MTMR1: variants seen among roughly 807,000 people sequenced by gnomAD.
MTMR1 encodes the protein phosphatidylinositol-3-phosphate phosphatase MTMR1.
In MTMR1, 17 loss-of-function variants were observed where a neutral mutation model predicts 51.6. That is an observed-to-expected ratio of 0.33 (90% CI 0.23 to 0.49). The LOEUF (loss-of-function observed/expected upper bound fraction) is 0.49, where lower values mean the gene tolerates loss of function less well. Among genes scored for constraint, MTMR1 ranks in the 20% least tolerant of loss-of-function variants. The probability of loss-of-function intolerance (pLI) is 0.99; values close to 1 mark genes in which losing one functional copy is unlikely to be tolerated. For missense variants in MTMR1, 386 were observed against 526.9 expected, an observed-to-expected ratio of 0.73 and a Z score of 2.62; for synonymous variants, 201 against 205.6, an observed-to-expected ratio of 0.98 and a Z score of 0.19.
intron 12 of MTMR1, among the ~76,000 whole-genome samples, chrX:150,742,709 C>T (rs1557417347): frequency 9.6e-6 from 1 of 104,647 alleles, no homozygotes; most frequent in Non-Finnish European, 1.9e-5. Context: ...CCCAGCTACT[C>T]GGGAGGCTGA....
intron 15 of MTMR1, among the ~76,000 whole-genome samples, chrX:150,758,510 C>G (rs2042972675): frequency 8.9e-6 from 1 of 112,176 alleles, no homozygotes; most frequent in Non-Finnish European, 1.9e-5. Flanking sequence ...ATTTACATTT[C>G]TGGCCGGGCA....
intron 12 of MTMR1, among the ~76,000 whole-genome samples, chrX:150,738,048 C>T (rs1490503924): frequency 1.8e-5 from 2 of 111,864 alleles, no homozygotes; most frequent in African/African-American, 3.3e-5. Context: ...GCCTGGGCAA[C>T]AGAGCAAAAC....
intron 4 of MTMR1, among the ~76,000 whole-genome samples, chrX:150,723,010 A>T (rs1416418102): frequency 2.4e-5 from 1 of 42,020 alleles, no homozygotes; most frequent in African/African-American, 9.0e-5. Flanking sequence ...CCTTCCCCCC[A>T]CCCCACAACA....
intron 1 of MTMR1, among the ~76,000 whole-genome samples, chrX:150,695,114 C>T (rs1557415698): frequency 8.9e-6 from 1 of 112,076 alleles, no homozygotes; most frequent in Admixed American, 9.4e-5. Flanking sequence ...GTATTCTAGT[C>T]AGAGGCCTGT....
intron 4 of MTMR1, among the ~76,000 whole-genome samples, chrX:150,723,098 C>T (rs1378719508): frequency 2.8e-4 from 29 of 104,578 alleles, no homozygotes; most frequent in African/African-American, 1.8e-4. Flanking sequence ...TGAGAACATA[C>T]GGTGTTTGGT....
chrX:150,745,951 T>C (rs2042565207), intron 13 of MTMR1, among the ~76,000 whole-genome samples: 1 of 112,243 alleles, frequency 8.9e-6, no homozygotes, highest in Non-Finnish European at 1.9e-5. Context: ...TTGGAGACCA[T>C]TGCTGTAGAC....
At position 150,750,860 on chromosome X, in the gene MTMR1, C is replaced by T. The variant is rs1329486811; in HGVS notation, c.1680+17C>T. 1 of 1,140,165 alleles carries T rather than the reference C, an allele frequency of 8.8e-7. No homozygotes were observed. Among genetic ancestry groups the T allele is most frequent in the African/African-American group, 1.8e-5 (1 of 55,711 alleles). 94.0% of individuals were successfully genotyped at this position (1,140,165 alleles called of 1,213,427 possible). ...TTCAAAGAGGTGAGTATGCTGCATC[C>T]TTGTCTGTTGCTTTCCCTGTGGCTC... is the stretch of plus-strand genomic sequence containing the variant. On this transcript the variant is annotated intron_variant, in intron 14 of 15. Transcript: ENST00000445323.
At chrX:150,699,375 G>C (rs2040822089) in intron 2 of MTMR1, 75 bp downstream of exon 2, 2 of 700,323 alleles carry the variant, frequency 2.9e-6, no homozygotes, top group Non-Finnish European at 4.2e-6. Flanking sequence ...TAATTCAAGT[G>C]AGCTGTTGGC....
In MTMR1 at chrX:150,735,696, G is replaced by C. The variant is rs906420795; in HGVS notation, c.1081-899G>C. 4.5e-5 allele frequency: 15 copies of C among 335,251 alleles called. No homozygotes were observed. The Admixed American group carries it at 4.6e-4, about 10-fold the overall frequency. 27.6% of individuals were successfully genotyped at this position (335,251 alleles called of 1,213,427 possible). Reference sequence around the variant, plus strand: ...TGATAAATGAATTGTATATATTTATGGTGTACAACGTGGTATTTTGATTGT... The same window carrying C: ...TGATAAATGAATTGTATATATTTATCGTGTACAACGTGGTATTTTGATTGT... On this transcript the variant is annotated intron_variant, in intron 10 of 15. Transcript: ENST00000445323.
chrX:150,702,057 T>A (rs112273774), intron 2 of MTMR1, among the ~76,000 whole-genome samples: 3,148 of 107,373 alleles, frequency 0.029, 127 homozygotes, highest in African/African-American at 0.1. Context: ...TCGATCTTTT[T>A]TTTTCTTCTT....
intron 12 of MTMR1, among the ~76,000 whole-genome samples, chrX:150,739,001 A>G (rs140237445): frequency 1.1e-3 from 122 of 112,223 alleles, no homozygotes; most frequent in East Asian, 2.5e-3. Flanking sequence ...TGAACTGTGC[A>G]TTGAATGGGA....
chrX:150,724,890 G>T (rs2041877953), intron 4 of MTMR1, among the ~76,000 whole-genome samples: 1 of 111,638 alleles, frequency 9.0e-6, no homozygotes, highest in South Asian at 3.7e-4. Context: ...AGGGTTGTAG[G>T]TGTGCACCCT....
upstream of MTMR1, chrX:150,693,047 C>CT (rs1193079329): frequency 8.9e-6 from 1 of 111,903 alleles, no homozygotes; most frequent in African/African-American, 3.3e-5. Flanking sequence ...TGTTCTATAC[C>CT]TTTTCCGGGA....
At chrX:150,714,532 G>A in intron 3 of MTMR1, 1 of 979,847 alleles carries the variant, frequency 1.0e-6, no homozygotes, top group Non-Finnish European at 1.3e-6. Flanking sequence ...CTGATCAGGT[G>A]GCAAGTTCTA....
chrX:150,711,025 A>T lies in MTMR1; in HGVS notation c.253-1317A>T, dbSNP rs782111049. 5.6e-3 allele frequency among the ~76,000 whole-genome samples: 625 copies of T among 112,549 alleles called. 3 individuals are homozygous for T. Among genetic ancestry groups the T allele is most frequent in the African/African-American group, 0.019 (589 of 31,024 alleles). On this transcript the variant is annotated intron_variant, in intron 2 of 15. Coordinates refer to ENST00000445323, the MANE Select transcript of MTMR1 (RefSeq NM_001306144.3). ...GGGAGACTTACTGTTTTGAGTTATT[A>T]CCATAAACATATACTACTTTTATTT...
rs1557417357 is a variant in MTMR1, at chrX:150,742,834, A to AAAAAG, written c.1474-1524_1474-1523insAGAAA. Among the ~76,000 whole-genome samples the AAAAAG allele has an allele frequency of 1.6e-3, 163 of 101,800 alleles. 3 individuals carry two copies. The highest frequency in any genetic ancestry group is 4.4e-3 in the African/African-American group (113 of 25,498). 88.4% of individuals were successfully genotyped at this position (101,800 alleles called of 115,157 possible). A position where few individuals can be genotyped will look rare whatever the true frequency, so the allele number is the denominator to read the frequency against. ...TCCATCTCAAAAAAAAAAAAAAAAA[A>AAAAAG]AAAGAAAGAAAGAAAGAAATCATGC... On this transcript the variant is annotated intron_variant, in intron 12 of 15. Coordinates refer to ENST00000445323, the MANE Select transcript of MTMR1 (RefSeq NM_001306144.3).
intron 3 of MTMR1, among the ~76,000 whole-genome samples, chrX:150,716,066 T>C (rs1176991174): frequency 8.9e-6 from 1 of 112,670 alleles, no homozygotes; most frequent in Admixed American, 9.4e-5. Flanking sequence ...GAGTCATACC[T>C]TTCCTAAGCT....
intron 13 of MTMR1, among the ~76,000 whole-genome samples, chrX:150,747,992 A>G (rs2042623138): frequency 8.9e-6 from 1 of 112,056 alleles, no homozygotes; most frequent in Admixed American, 9.5e-5. Context: ...TGGGAAATCC[A>G]ACATCAAGGC....
At chrX:150,739,876 A>T (rs1557417267) in intron 12 of MTMR1, among the ~76,000 whole-genome samples, 9 of 112,038 alleles carry the variant, frequency 8.0e-5, no homozygotes, top group Non-Finnish European at 1.5e-4. Context: ...GGGTGGAGCC[A>T]GCCTTTAAAC....
Sources: gnomAD v4.1 joint callset for allele counts (sites outside exome capture counted in the v4.1 genomes callset) on GRCh38, gnomAD v4.1.1 for gene constraint, MANE v1.5 for transcripts, NCBI Gene and HGNC (gene_info 2026-07-23, HGNC 2026-07-21) for gene names.